The following CALN1 variants were observed in gnomAD, a reference collection of about 807,000 sequenced individuals.
CALN1 encodes calneuron 1.
CALN1 carries 17 observed loss-of-function variants against 30.6 expected under a neutral mutation model. That is an observed-to-expected ratio of 0.56 (90% CI 0.38 to 0.83). CALN1 has a LOEUF of 0.83. Ranked by LOEUF, CALN1 falls within the 40% of genes least tolerant of loss-of-function variation. CALN1 has a pLI of 0.00. For missense variants in CALN1, 291 were observed against 354.9 expected, an observed-to-expected ratio of 0.82 and a Z score of 1.45; for synonymous variants, 156 against 131.4, an observed-to-expected ratio of 1.19 and a Z score of -1.28.
intron 1 of CALN1, among the ~76,000 whole-genome samples, chr7:72,445,659 A>G (rs930673221): frequency 6.6e-6 from 1 of 152,196 alleles, no homozygotes; most frequent in Non-Finnish European, 1.5e-5. Context: ...CTCCTAAACC[A>G]GAGAGTTTCT....
chr7:72,109,146 A>G (rs922366157), intron 3 of CALN1, among the ~76,000 whole-genome samples: 4 of 152,182 alleles, frequency 2.6e-5, no homozygotes, highest in African/African-American at 9.6e-5. Flanking sequence ...CTGAATGGGT[A>G]AGGATCATAT....
intron 2 of CALN1, among the ~76,000 whole-genome samples, chr7:72,295,126 A>G (rs987323579): frequency 2.0e-5 from 3 of 152,228 alleles, no homozygotes; most frequent in Non-Finnish European, 4.4e-5. Context: ...TTATGTAACC[A>G]AACACCACCT....
chr7:71,879,810 A>C (rs113123708), intron 5 of CALN1, among the ~76,000 whole-genome samples: 127 of 152,290 alleles, frequency 8.3e-4, no homozygotes, highest in Middle Eastern at 3.4e-3. Flanking sequence ...AGATGGAAAG[A>C]GGCTCCTCAA....
chr7:72,329,641 C>A (rs944713138), intron 2 of CALN1, among the ~76,000 whole-genome samples: 3 of 152,184 alleles, frequency 2.0e-5, no homozygotes, highest in African/African-American at 7.2e-5. Flanking sequence ...TGGTATCAGC[C>A]TAAATAGAGC....
At chr7:72,302,900 A>G (rs1278972015) in intron 2 of CALN1, among the ~76,000 whole-genome samples, 2 of 149,070 alleles carry the variant, frequency 1.3e-5, no homozygotes, top group Non-Finnish European at 3.0e-5. Context: ...TCTCAAAAAA[A>G]AAAAAAAAAA....
chr7:72,143,788 T>C (rs1452764932), intron 3 of CALN1, among the ~76,000 whole-genome samples: 3 of 152,188 alleles, frequency 2.0e-5, no homozygotes, highest in East Asian at 1.9e-4. Flanking sequence ...CGGCAGAAAC[T>C]CTACAAGCCA....
chr7:71,987,332 C>T (rs963408282), intron 5 of CALN1, among the ~76,000 whole-genome samples: 2 of 152,154 alleles, frequency 1.3e-5, no homozygotes, highest in Non-Finnish European at 2.9e-5. Context: ...GACAGGGGCC[C>T]GTGTGCTATT....
At chr7:72,211,964 C>T (rs544015) in intron 3 of CALN1, among the ~76,000 whole-genome samples, 39,176 of 151,974 alleles carry the variant, frequency 0.26, 5,320 homozygotes, top group African/African-American at 0.35. Context: ...ACTTAAGACC[C>T]GACTCGTAAT....
intron 2 of CALN1, among the ~76,000 whole-genome samples, chr7:72,295,855 T>G (rs1407161824): frequency 1.3e-5 from 2 of 151,746 alleles, no homozygotes; most frequent in Non-Finnish European, 2.9e-5. Flanking sequence ...TACCCTTTAT[T>G]TCCTTCTCCT....
At chr7:72,301,532 C>T (rs185481483) in intron 2 of CALN1, among the ~76,000 whole-genome samples, 1 of 146,274 alleles carries the variant, frequency 6.8e-6, no homozygotes, top group African/African-American at 2.5e-5. Context: ...CGCTGTAACC[C>T]AGGAGGCAGA....
At chr7:71,949,325 T>C (rs1796570825) in intron 5 of CALN1, among the ~76,000 whole-genome samples, 1 of 152,158 alleles carries the variant, frequency 6.6e-6, no homozygotes, top group African/African-American at 2.4e-5. Context: ...GTAACTTTAC[T>C]TCATCCTCTT....
intron 2 of CALN1, among the ~76,000 whole-genome samples, chr7:72,303,579 A>C (rs564624754): frequency 1.3e-5 from 2 of 152,106 alleles, no homozygotes; most frequent in Non-Finnish European, 2.9e-5. Context: ...AAAGAAAAAA[A>C]AAAAAGAAAC....
At chr7:72,061,768 G>A (rs1194286183) in intron 4 of CALN1, among the ~76,000 whole-genome samples, 7 of 140,730 alleles carry the variant, frequency 5.0e-5, no homozygotes, top group Admixed American at 4.3e-4. Flanking sequence ...AAATAAAACG[G>A]CCTGGGCGAC....
chr7:72,440,723 A>G (rs560346260), intron 1 of CALN1, among the ~76,000 whole-genome samples: 1 of 152,298 alleles, frequency 6.6e-6, no homozygotes, highest in South Asian at 2.1e-4. Context: ...GCTACTCCGG[A>G]GGCTGAAACA....
chr7:72,111,429 G>C (rs1159322518), intron 3 of CALN1, among the ~76,000 whole-genome samples: 1 of 152,090 alleles, frequency 6.6e-6, no homozygotes, highest in Admixed American at 6.6e-5. Context: ...CTGTTATTCA[G>C]CCCAAGAGAT....
chr7:72,321,974 G>A (rs926221424), intron 2 of CALN1, among the ~76,000 whole-genome samples: 8 of 152,192 alleles, frequency 5.3e-5, no homozygotes, highest in Admixed American at 3.3e-4. Flanking sequence ...GACCAGTTTC[G>A]TGGAAGACAG....
chr7:72,054,528 C>CATACATATATAT (rs1284106076), intron 4 of CALN1, among the ~76,000 whole-genome samples: 1 of 55,750 alleles, frequency 1.8e-5, no homozygotes, highest in Non-Finnish European at 3.2e-5. Flanking sequence ...TACATATATA[C>CATACATATATAT]ATACATATAT....
intron 4 of CALN1, among the ~76,000 whole-genome samples, chr7:72,084,386 A>T (rs928487964): frequency 2.1e-4 from 30 of 142,598 alleles, no homozygotes; most frequent in Non-Finnish European, 2.9e-4. Flanking sequence ...ATGTAGTAAA[A>T]TTTTTTTTTT....
intron 4 of CALN1, among the ~76,000 whole-genome samples, chr7:72,083,820 G>C (rs556548671): frequency 6.6e-6 from 1 of 152,090 alleles, no homozygotes; most frequent in African/African-American, 2.4e-5. Flanking sequence ...TTGGGAGGCT[G>C]AGGCAGGAGA....
Sources: gnomAD v4.1 joint callset for allele counts (sites outside exome capture counted in the v4.1 genomes callset) on GRCh38, gnomAD v4.1.1 for gene constraint, MANE v1.5 for transcripts, NCBI Gene and HGNC (gene_info 2026-07-23, HGNC 2026-07-21) for gene names.